FYB1: variants seen among roughly 807,000 people sequenced by gnomAD.
FYB1 encodes FYN-binding protein 1.
Under a neutral mutation model 94.1 loss-of-function variants are expected in FYB1, and 41 were observed. The observed-to-expected ratio is 0.44, with a 90% CI of 0.34 to 0.57. The LOEUF is 0.57. FYB1 is among the 20% of genes least tolerant of loss of function. The pLI is 0.02. For missense variants in FYB1, 1,050 were observed against 976.8 expected, an observed-to-expected ratio of 1.07 and a Z score of -1.00; for synonymous variants, 367 against 353.2, an observed-to-expected ratio of 1.04 and a Z score of -0.44.
intron 1 of FYB1, among the ~76,000 whole-genome samples, chr5:39,246,770 G>A (rs998222540): frequency 1.3e-5 from 2 of 152,094 alleles, no homozygotes; most frequent in African/African-American, 4.8e-5. Context: ...TAAACTGAAA[G>A]GAAAAGATGT....
At chr5:39,200,363 C>T (rs892399194) in intron 2 of FYB1, among the ~76,000 whole-genome samples, 2 of 152,128 alleles carry the variant, frequency 1.3e-5, no homozygotes, top group African/African-American at 4.8e-5. Context: ...CACACTGGAG[C>T]GGGAGTGAAA....
At chr5:39,225,874 A>G (rs780169914) in intron 1 of FYB1, among the ~76,000 whole-genome samples, 6 of 152,194 alleles carry the variant, frequency 3.9e-5, no homozygotes, top group African/African-American at 9.6e-5. Context: ...CATAATGTTC[A>G]CCAGTGGTTG....
chr5:39,269,330 T>G (rs533688395), intron 1 of FYB1, among the ~76,000 whole-genome samples: 1 of 152,320 alleles, frequency 6.6e-6, no homozygotes, highest in East Asian at 1.9e-4. Flanking sequence ...ATTACAGGCG[T>G]GAGCCACCAC....
At chr5:39,271,618 T>C (rs1419234602) in intron 1 of FYB1, among the ~76,000 whole-genome samples, 2 of 152,122 alleles carry the variant, frequency 1.3e-5, no homozygotes, top group African/African-American at 4.8e-5. Flanking sequence ...AAATCCTTTT[T>C]CAAAAAAGAT....
At chr5:39,128,110 A>C (rs988592257) in intron 10 of FYB1, among the ~76,000 whole-genome samples, 2 of 152,144 alleles carry the variant, frequency 1.3e-5, no homozygotes, top group Non-Finnish European at 2.9e-5. Context: ...GTGGAAAAAG[A>C]AGTGAGGAGG....
In FYB1 at chr5:39,199,796, A is replaced by C. The variant is rs149494814; in HGVS notation, c.1135+2030T>G. ...GCAGACAAGGGTTAAAGGTAGCTTC[A>C]CTGTACACCATTTTACACTTACTGC... is the stretch of plus-strand genomic sequence containing the variant. On this transcript the variant is annotated intron_variant, in intron 2 of 18. Transcript: ENST00000512982. Among the ~76,000 whole-genome samples the C allele has an allele frequency of 3.9e-3, 591 of 152,302 alleles. 3 individuals carry two copies. The highest frequency in any genetic ancestry group is 0.013 in the African/African-American group (561 of 41,566).
chr5:39,240,477 G>A (rs1751155695), intron 1 of FYB1, among the ~76,000 whole-genome samples: 1 of 151,894 alleles, frequency 6.6e-6, no homozygotes, highest in Non-Finnish European at 1.5e-5. Context: ...AACTTAACAA[G>A]CCAAAATCAA....
intron 16 of FYB1, among the ~76,000 whole-genome samples, chr5:39,116,333 A>G (rs904748164): frequency 6.6e-6 from 1 of 152,196 alleles, no homozygotes; most frequent in Non-Finnish European, 1.5e-5. Context: ...TGTACCCCAA[A>G]GCCATCTAAG....
Position 39,123,896 on chromosome 5 carries a change from T to A in FYB1, c.2071+357A>T, listed in dbSNP as rs532244257. Among the ~76,000 whole-genome samples, 9 of 152,306 alleles carry A rather than the reference T, an allele frequency of 5.9e-5. No individual in the cohort carries two copies. In the South Asian group the frequency reaches 1.9e-3, roughly 32 times the overall value. ...TAGATTTAGAAGAGGCTTACTGGCA[T>A]GTAATCTGGAATGTTTTTAGATATC... On this transcript the variant is annotated intron_variant, in intron 13 of 18. Transcript: ENST00000512982.
At chr5:39,133,121 T>C (rs1023744852) in intron 9 of FYB1, among the ~76,000 whole-genome samples, 3 of 152,212 alleles carry the variant, frequency 2.0e-5, no homozygotes, top group Non-Finnish European at 2.9e-5. Context: ...ATATAAAAGA[T>C]CATAAGAGGA....
intron 1 of FYB1, among the ~76,000 whole-genome samples, chr5:39,234,901 G>A (rs903497949): frequency 6.6e-6 from 1 of 151,996 alleles, no homozygotes; most frequent in Non-Finnish European, 1.5e-5. Context: ...GGGGTCGGGG[G>A]CAAGGGGTGG....
chr5:39,230,961 G>A (rs1201569290), intron 1 of FYB1, among the ~76,000 whole-genome samples: 1 of 151,496 alleles, frequency 6.6e-6, no homozygotes, highest in Admixed American at 6.6e-5. Context: ...TAAAAATGGA[G>A]CATAATCTTG....
At chr5:39,189,406 A>G (rs1747160984) in intron 2 of FYB1, among the ~76,000 whole-genome samples, 1 of 152,158 alleles carries the variant, frequency 6.6e-6, no homozygotes, top group Non-Finnish European at 1.5e-5. Flanking sequence ...ATTTCTAGTA[A>G]TACAATGACT....
At chr5:39,270,254 G>A (rs375691863) in intron 1 of FYB1, among the ~76,000 whole-genome samples, 1 of 152,084 alleles carries the variant, frequency 6.6e-6, no homozygotes, top group Admixed American at 6.6e-5. Context: ...CAGGAAACTC[G>A]ACTAAATTAC....
At chr5:39,168,460 G>A (rs575478230) in intron 2 of FYB1, among the ~76,000 whole-genome samples, 6 of 152,208 alleles carry the variant, frequency 3.9e-5, no homozygotes, top group African/African-American at 1.4e-4. Flanking sequence ...GTAAAAAATT[G>A]TGTAAGAAAT....
chr5:39,189,221 C>T (rs1238212272), intron 2 of FYB1, among the ~76,000 whole-genome samples: 3 of 127,550 alleles, frequency 2.4e-5, no homozygotes, highest in African/African-American at 8.8e-5. Context: ...AGAAGAACGC[C>T]TTTTATGGAA....
intron 2 of FYB1, among the ~76,000 whole-genome samples, chr5:39,160,324 G>A (rs1381368006): frequency 2.0e-5 from 3 of 152,074 alleles, no homozygotes; most frequent in Non-Finnish European, 4.4e-5. Flanking sequence ...ATACACTACA[G>A]TCTACTCCCC....
chr5:39,193,524 C>T (rs553137859), intron 2 of FYB1, among the ~76,000 whole-genome samples: 13 of 152,264 alleles, frequency 8.5e-5, no homozygotes, highest in African/African-American at 2.2e-4. Flanking sequence ...CTGGTGCCAC[C>T]GGAGGAGAGC....
Position 39,219,516 on chromosome 5 carries a change from T to G in FYB1, c.-101A>C, listed in dbSNP as rs1366435893. The G allele has an allele frequency of 1.0e-6, 1 of 985,334 alleles. No individual in the cohort carries two copies. The highest frequency in any genetic ancestry group is 1.7e-5 in the African/African-American group (1 of 57,242). The allele number at this position is 985,334 out of a possible 1,614,324, so 61.0% of individuals were successfully genotyped here. A position where few individuals can be genotyped will look rare whatever the true frequency, so the allele number is the denominator to read the frequency against. On this transcript the variant is annotated 5_prime_UTR_variant, in exon 1 of 19. Transcript: ENST00000512982. Reference sequence around the variant, plus strand: ...TCCTGGGCCAGGGTCTGGGCCCTACTCACTTCTAGCTGTCGCATCTGCTCT... The same window carrying G: ...TCCTGGGCCAGGGTCTGGGCCCTACGCACTTCTAGCTGTCGCATCTGCTCT...
Sources: allele counts gnomAD v4.1 joint callset (sites outside exome capture counted in the v4.1 genomes callset), GRCh38; gene constraint gnomAD v4.1.1; transcripts MANE v1.5; gene names NCBI Gene and HGNC (gene_info 2026-07-23, HGNC 2026-07-21).